The following FARP1 variants were observed in gnomAD, a reference collection of about 807,000 sequenced individuals.
FARP1 encodes the protein FERM, ARHGEF and pleckstrin domain-containing protein 1.
Under a neutral mutation model 128.8 loss-of-function variants are expected in FARP1, and 52 were observed. The ratio of observed to expected loss-of-function variants is 0.40; its 90% CI spans 0.32 to 0.51. FARP1 has a LOEUF of 0.51. Ranked by LOEUF, FARP1 falls within the 20% of genes least tolerant of loss-of-function variation. The pLI, the probability that FARP1 is intolerant of heterozygous loss-of-function variation, is 0.45. For synonymous variants in FARP1, 580 were observed against 551.8 expected (o/e 1.05, Z -0.72); for missense variants, 1,333 against 1,367.9 (o/e 0.97, Z 0.40).
intron 1 of FARP1, among the ~76,000 whole-genome samples, chr13:98,185,407 G>T (rs2139215535): frequency 6.6e-6 from 1 of 152,240 alleles, no homozygotes; most frequent in South Asian, 2.1e-4. Context: ...GGTTGGTTCA[G>T]GTGTCGTTTT....
At chr13:98,171,246 C>T (rs1478626349) in intron 1 of FARP1, among the ~76,000 whole-genome samples, 1 of 152,178 alleles carries the variant, frequency 6.6e-6, no homozygotes, top group Non-Finnish European at 1.5e-5. Context: ...TTCTAATTTT[C>T]CTGGTTCAAT....
At chr13:98,421,157 C>T (rs1196117491) in intron 16 of FARP1, among the ~76,000 whole-genome samples, 1 of 152,218 alleles carries the variant, frequency 6.6e-6, no homozygotes, top group Non-Finnish European at 1.5e-5. Context: ...CTGATGGTGC[C>T]AACCCAGAGC....
intron 24 of FARP1, among the ~76,000 whole-genome samples, chr13:98,443,920 G>A (rs114614322): frequency 0.022 from 3,348 of 152,338 alleles, 129 homozygotes; most frequent in African/African-American, 0.076. Context: ...TGGCGGGCAC[G>A]GGGGTTATAT....
chr13:98,183,205 GT>G (rs1306258561), intron 1 of FARP1, among the ~76,000 whole-genome samples: 1 of 151,974 alleles, frequency 6.6e-6, no homozygotes, highest in Non-Finnish European at 1.5e-5. Flanking sequence ...TGATTTCCTT[GT>G]TTGTTCTCTG....
At chr13:98,183,540 C>T (rs900127806) in intron 1 of FARP1, among the ~76,000 whole-genome samples, 2 of 152,218 alleles carry the variant, frequency 1.3e-5, no homozygotes, top group African/African-American at 4.8e-5. Context: ...GACGAATGCT[C>T]CCGTCATTGT....
At chr13:98,191,269 C>A (rs118108941) in intron 1 of FARP1, among the ~76,000 whole-genome samples, 1 of 152,154 alleles carries the variant, frequency 6.6e-6, no homozygotes, top group African/African-American at 2.4e-5. Flanking sequence ...CAAAGAGCAA[C>A]CTTGGGAGTC....
rs1011650523 is a variant in FARP1 at position 98,411,934 on chromosome 13, A to C, written c.1726A>C (p.Met576Leu). The C allele has an allele frequency of 1.2e-6, 2 of 1,614,194 alleles. No homozygotes were observed. The highest frequency in any genetic ancestry group is 1.3e-5 in the African/African-American group (1 of 75,072). Residue 576 changes from methionine to leucine, a missense_variant, in exon 16 of 27, where the codon ATG (methionine) becomes CTG (leucine). Met to Leu is a conservative substitution (Grantham distance 15, BLOSUM62 2). Transcript: ENST00000319562. The part of the protein sequence containing the change: ...FQSTVSKEDA[M>L]PEALKSLIFP... ...GAGCACAGTGAGCAAAGAGGACGCC[A>C]TGCCGGAAGCACTGAAAAGTCTCAT...
At chr13:98,279,726 A>G (rs1208679503) in intron 2 of FARP1, among the ~76,000 whole-genome samples, 1 of 152,134 alleles carries the variant, frequency 6.6e-6, no homozygotes, top group African/African-American at 2.4e-5. Context: ...TCACCATTGC[A>G]TATACCCTGG....
At chr13:98,204,027 C>T (rs1189346266) in intron 1 of FARP1, 2 of 152,254 alleles carry the variant, frequency 1.3e-5, no homozygotes. Flanking sequence ...CCTCTTCTGC[C>T]AAGCACACAG....
chr13:98,173,621 A>C (rs539274574), intron 1 of FARP1, among the ~76,000 whole-genome samples: 2 of 152,316 alleles, frequency 1.3e-5, no homozygotes, highest in South Asian at 4.1e-4. Context: ...GATTTTTCTC[A>C]TGTTGCTCAT....
intron 2 of FARP1, among the ~76,000 whole-genome samples, chr13:98,238,700 G>A (rs1195595799): frequency 2.0e-5 from 3 of 152,148 alleles, no homozygotes. Flanking sequence ...CCATGATTCA[G>A]TTACCTCCCA....
intron 1 of FARP1, among the ~76,000 whole-genome samples, chr13:98,189,782 G>GA (rs1403591927): frequency 6.6e-6 from 1 of 152,208 alleles, no homozygotes; most frequent in Non-Finnish European, 1.5e-5. Context: ...TCCCAGGAAA[G>GA]ATTTCAGTTA....
chr13:98,265,686 TTTTAAC>T (rs1884082573), intron 2 of FARP1, among the ~76,000 whole-genome samples: 1 of 152,188 alleles, frequency 6.6e-6, no homozygotes, highest in African/African-American at 2.4e-5. Context: ...AATTAGGTGA[TTTTAAC>T]TGTGCTTCTC....
At position 98,422,248 on chromosome 13, in the gene FARP1, C is replaced by T. The variant is rs537089940; in HGVS notation, c.1827-2324C>T. Among the ~76,000 whole-genome samples the T allele has an allele frequency of 1.1e-4, 17 of 152,312 alleles. No individual in the cohort carries two copies. In the South Asian group the frequency reaches 1.9e-3, roughly 17 times the overall value. On this transcript the variant is annotated intron_variant, in intron 16 of 26. Transcript: ENST00000319562. The stretch of plus-strand genomic sequence containing the variant: ...TGGAGGGCCACGCAGTGGGGCCGAC[C>T]AGCCCGGAGAGCCCGAATATAGGAG...
At chr13:98,201,795 A>G (rs1450635702) in intron 1 of FARP1, among the ~76,000 whole-genome samples, 1 of 152,236 alleles carries the variant, frequency 6.6e-6, no homozygotes, top group Non-Finnish European at 1.5e-5. Context: ...ATGGTTGCCA[A>G]GAAGGAACAG....
At chr13:98,175,030 T>C (rs1328727594) in intron 1 of FARP1, among the ~76,000 whole-genome samples, 1 of 152,186 alleles carries the variant, frequency 6.6e-6, no homozygotes, top group African/African-American at 2.4e-5. Flanking sequence ...TTGCCGAAGT[T>C]CGCTCTGCCG....
chr13:98,213,562 G>A (rs761628348), intron 2 of FARP1, 149 bp downstream of exon 2: 11 of 778,150 alleles, frequency 1.4e-5, no homozygotes, highest in South Asian at 7.5e-5. Context: ...CAATGGCCCC[G>A]CTGACCCGTT....
chr13:98,200,390 C>CG (rs922505750), intron 1 of FARP1, among the ~76,000 whole-genome samples: 1 of 55,682 alleles, frequency 1.8e-5, no homozygotes, highest in Admixed American at 2.1e-4. Context: ...AACCTTCACC[C>CG]CCCCCCCCTC....
At chr13:98,162,543 C>G (rs141776211) in intron 1 of FARP1, among the ~76,000 whole-genome samples, 72 of 152,304 alleles carry the variant, frequency 4.7e-4, no homozygotes, top group African/African-American at 1.6e-3. Flanking sequence ...CAAACCTGGG[C>G]TGACCTCACC....
Sources: allele counts gnomAD v4.1 joint callset (sites outside exome capture counted in the v4.1 genomes callset), GRCh38; gene constraint gnomAD v4.1.1; transcripts MANE v1.5; gene names NCBI Gene and HGNC (gene_info 2026-07-23, HGNC 2026-07-21).